The following RBFOX1 variants were observed in gnomAD, a reference collection of about 807,000 sequenced individuals.
RBFOX1 encodes the protein RNA binding fox-1 homolog 1.
Under a neutral mutation model 57.7 loss-of-function variants are expected in RBFOX1, and 8 were observed. The observed-to-expected ratio is 0.14, with a 90% CI of 0.08 to 0.25. The LOEUF is 0.25. Among genes scored for constraint, RBFOX1 ranks in the 10% least tolerant of loss-of-function variants. The pLI, the probability that RBFOX1 is intolerant of heterozygous loss-of-function variation, is 1.00. For synonymous variants in RBFOX1, 326 were observed against 222.4 expected, an observed-to-expected ratio of 1.47 and a Z score of -4.15; for missense variants, 611 against 548.5, an observed-to-expected ratio of 1.11 and a Z score of -1.14.
intron 4 of RBFOX1, among the ~76,000 whole-genome samples, chr16:5,932,622 G>C (rs1255703786): frequency 6.6e-6 from 1 of 152,128 alleles, no homozygotes; most frequent in Non-Finnish European, 1.5e-5. Flanking sequence ...TTAAGTAAAA[G>C]GAACAAAATT....
chr16:7,485,262 G>C (rs1020183656), intron 4 of RBFOX1, among the ~76,000 whole-genome samples: 17 of 152,086 alleles, frequency 1.1e-4, no homozygotes, highest in African/African-American at 3.9e-4. Flanking sequence ...CTGCACCCTC[G>C]CGTGTTGCTT....
At chr16:6,504,875 G>A (rs1032383172) in intron 2 of RBFOX1, among the ~76,000 whole-genome samples, 18 of 151,044 alleles carry the variant, frequency 1.2e-4, no homozygotes, top group Non-Finnish European at 2.2e-4. Context: ...CCAACATGGT[G>A]AAACTCTGTC....
chr16:6,744,812 A>T (rs2073182238), intron 3 of RBFOX1, among the ~76,000 whole-genome samples: 1 of 152,130 alleles, frequency 6.6e-6, no homozygotes, highest in South Asian at 2.1e-4. Context: ...AACTAAATTA[A>T]GTAGAAGATA....
intron 1 of RBFOX1, among the ~76,000 whole-genome samples, chr16:6,154,327 T>G (rs756240133): frequency 6.6e-6 from 1 of 152,224 alleles, no homozygotes; most frequent in Non-Finnish European, 1.5e-5. Flanking sequence ...AGTATAAAGA[T>G]AATGGTATAA....
chr16:7,631,636 G>A (rs1039099974), intron 11 of RBFOX1, among the ~76,000 whole-genome samples: 17 of 152,182 alleles, frequency 1.1e-4, no homozygotes, highest in African/African-American at 3.6e-4. Context: ...GGTGCCTGGA[G>A]TGGGGGTGGG....
rs568623648 is a variant in RBFOX1 at position 7,100,413 on chromosome 16, CCT to C, written c.27+48318_27+48319del. Among the ~76,000 whole-genome samples, 529 of 152,220 alleles carry C rather than the reference CCT, an allele frequency of 3.5e-3. 4 individuals are homozygous for C. Among genetic ancestry groups the C allele is most frequent in the African/African-American group, 0.012 (496 of 41,552 alleles). On this transcript the variant is annotated intron_variant, in intron 4 of 15. Transcript: ENST00000550418. ...ACTCAACATTTTTGACGTATTTCCT[CCT>C]CTTTTAAAATATCAGTATATTTGAA... is the stretch of plus-strand genomic sequence containing the variant.
At chr16:7,459,091 T>TG (rs541400902) in intron 4 of RBFOX1, among the ~76,000 whole-genome samples, 3 of 151,992 alleles carry the variant, frequency 2.0e-5, no homozygotes, top group Non-Finnish European at 4.4e-5. Context: ...GATGGATGGA[T>TG]GATGGGCAGA....
intron 14 of RBFOX1, among the ~76,000 whole-genome samples, chr16:7,681,461 T>C (rs1170657999): frequency 6.6e-6 from 1 of 152,186 alleles, no homozygotes; most frequent in African/African-American, 2.4e-5. Context: ...CTGTCTATTT[T>C]AGAATTTTTC....
chr16:6,000,448 G>A (rs1441132321), intron 4 of RBFOX1, among the ~76,000 whole-genome samples: 1 of 152,172 alleles, frequency 6.6e-6, no homozygotes, highest in African/African-American at 2.4e-5. Context: ...GGGGCAGGTG[G>A]TGCTGAACAC....
intron 3 of RBFOX1, chr16:6,748,768 G>A (rs2074316689): frequency 6.6e-6 from 1 of 152,092 alleles, no homozygotes; most frequent in Non-Finnish European, 1.5e-5. Flanking sequence ...GATGTATGAT[G>A]AATTCTCAGA....
At chr16:7,141,689 A>T (rs1036572510) in intron 4 of RBFOX1, among the ~76,000 whole-genome samples, 1 of 152,152 alleles carries the variant, frequency 6.6e-6, no homozygotes, top group African/African-American at 2.4e-5. Flanking sequence ...ATGAGCTACT[A>T]TAGTCTTTTG....
chr16:7,200,057 T>C (rs1383403306), intron 4 of RBFOX1, among the ~76,000 whole-genome samples: 2 of 152,198 alleles, frequency 1.3e-5, no homozygotes, highest in African/African-American at 2.4e-5. Context: ...TAGAGTGAAA[T>C]CTAAAAGTCA....
intron 3 of RBFOX1, among the ~76,000 whole-genome samples, chr16:6,853,717 C>G (rs1397157795): frequency 1.3e-5 from 2 of 152,036 alleles, no homozygotes; most frequent in African/African-American, 4.8e-5. Flanking sequence ...ATTCGTTTAC[C>G]AGTAGACAAT....
intron 3 of RBFOX1, among the ~76,000 whole-genome samples, chr16:5,626,062 G>A (rs1406018878): frequency 6.6e-6 from 1 of 151,770 alleles, no homozygotes; most frequent in African/African-American, 2.4e-5. Flanking sequence ...TTTCTTTTTA[G>A]TACAGACGGG....
At chr16:5,542,356 C>G (rs1164187865) in intron 2 of RBFOX1, among the ~76,000 whole-genome samples, 1 of 149,228 alleles carries the variant, frequency 6.7e-6, no homozygotes, top group African/African-American at 2.5e-5. Context: ...TCAAGCAATT[C>G]TCCTACCTCA....
chr16:6,621,353 A>C (rs2098228203), intron 2 of RBFOX1, among the ~76,000 whole-genome samples: 1 of 152,140 alleles, frequency 6.6e-6, no homozygotes, highest in Non-Finnish European at 1.5e-5. Flanking sequence ...AGTCCCAGCT[A>C]CTCGGGAGGC....
intron 2 of RBFOX1, chr16:6,483,209 C>G (rs1300938448): frequency 7.5e-6 from 9 of 1,203,464 alleles, no homozygotes; most frequent in East Asian, 4.2e-5. Context: ...CGAGGCCGGC[C>G]GGGGAAGCCG....
At chr16:5,973,869 C>T (rs1202083433) in intron 4 of RBFOX1, among the ~76,000 whole-genome samples, 3 of 152,180 alleles carry the variant, frequency 2.0e-5, no homozygotes, top group Admixed American at 2.0e-4. Flanking sequence ...GATGAATCTC[C>T]TGTACCTTAA....
chr16:7,048,330 G>A (rs573144498), intron 3 of RBFOX1, among the ~76,000 whole-genome samples: 68 of 152,020 alleles, frequency 4.5e-4, no homozygotes, highest in Non-Finnish European at 9.0e-4. Context: ...CACAATCTTG[G>A]CTCACTGCAA....
Sources: allele counts gnomAD v4.1 joint callset (sites outside exome capture counted in the v4.1 genomes callset), GRCh38; gene constraint gnomAD v4.1.1; transcripts MANE v1.5; gene names NCBI Gene and HGNC (gene_info 2026-07-23, HGNC 2026-07-21).